The following LMO7 variants were observed in gnomAD, a reference collection of about 807,000 sequenced individuals.
LMO7 encodes the protein LIM domain only protein 7.
Under a neutral mutation model 206.5 loss-of-function variants are expected in LMO7, and 120 were observed. That is an observed-to-expected ratio of 0.58 (90% CI 0.50 to 0.68). The LOEUF is 0.68. LMO7 is among the 30% of genes least tolerant of loss of function. LMO7 has a pLI of 0.00. For missense variants in LMO7, 1,959 were observed against 1,957.9 expected, an observed-to-expected ratio of 1.00 and a Z score of -0.01; for synonymous variants, 706 against 681.5, an observed-to-expected ratio of 1.04 and a Z score of -0.56.
intron 3 of LMO7, among the ~76,000 whole-genome samples, chr13:75,751,132 C>T (rs2139430813): frequency 7.1e-6 from 1 of 140,258 alleles, no homozygotes; most frequent in Middle Eastern, 3.9e-3. Flanking sequence ...ATCATGTACT[C>T]AGCTCTTTTT....
intron 2 of LMO7, chr13:75,627,319 G>C (rs146603790): frequency 5.3e-5 from 8 of 152,218 alleles, no homozygotes; most frequent in East Asian, 1.9e-4. Context: ...CCAACTGTAG[G>C]CTAATGTATG....
intron 18 of LMO7, among the ~76,000 whole-genome samples, chr13:75,836,187 A>G (rs1195644349): frequency 6.6e-6 from 1 of 152,200 alleles, no homozygotes; most frequent in Non-Finnish European, 1.5e-5. Context: ...AAACTCATCC[A>G]TGCCTGCAGC....
intron 15 of LMO7, among the ~76,000 whole-genome samples, chr13:75,831,726 A>G (rs950694385): frequency 1.3e-5 from 2 of 152,164 alleles, no homozygotes; most frequent in Non-Finnish European, 2.9e-5. Flanking sequence ...CAGTCCTGCT[A>G]GAGTGAGAAC....
intron 4 of LMO7, among the ~76,000 whole-genome samples, chr13:75,795,172 AT>A (rs1566475624): frequency 6.6e-6 from 1 of 152,222 alleles, no homozygotes; most frequent in Non-Finnish European, 1.5e-5. Context: ...ACTGACAATT[AT>A]ATTAATGCAT....
chr13:75,811,754 G>T (rs1299106069), intron 11 of LMO7, among the ~76,000 whole-genome samples: 2 of 152,136 alleles, frequency 1.3e-5, no homozygotes, highest in Non-Finnish European at 2.9e-5. Flanking sequence ...TGTCTGTATG[G>T]TTTCATGAAA....
intron 1 of LMO7, among the ~76,000 whole-genome samples, chr13:75,671,143 A>G (rs532177617): frequency 2.6e-4 from 40 of 152,008 alleles, no homozygotes; most frequent in African/African-American, 9.6e-4. Flanking sequence ...GTCGTCTCCT[A>G]TGACACCAAT....
At chr13:75,716,460 G>T (rs2043542930) in intron 2 of LMO7, among the ~76,000 whole-genome samples, 1 of 151,988 alleles carries the variant, frequency 6.6e-6, no homozygotes, top group Non-Finnish European at 1.5e-5. Context: ...AGTGAGTTGG[G>T]ATTTCATCAA....
rs9573603 is a variant in LMO7, at chr13:75,649,451, C to T, written c.69+12725C>T. On this transcript the variant is annotated intron_variant, in intron 1 of 30. Transcript: ENST00000377534. ...GAGAGTAGGATTATGAATAGTGTTC[C>T]GGACTAGAAGTGATCAAGGGAAAAG... is the stretch of plus-strand genomic sequence containing the variant. Among the ~76,000 whole-genome samples, 866 of 152,162 alleles carry T rather than the reference C, an allele frequency of 5.7e-3. 9 individuals carry two copies. The highest frequency in any genetic ancestry group is 0.016 in the African/African-American group (655 of 41,514).
intron 4 of LMO7, among the ~76,000 whole-genome samples, chr13:75,781,781 C>T (rs1262636849): frequency 1.3e-5 from 2 of 152,122 alleles, no homozygotes; most frequent in Non-Finnish European, 2.9e-5. Context: ...ACATCCTCTC[C>T]AGCACCTGTA....
intron 15 of LMO7, among the ~76,000 whole-genome samples, chr13:75,830,852 A>G (rs2058593980): frequency 6.6e-6 from 1 of 152,150 alleles, no homozygotes; most frequent in Non-Finnish European, 1.5e-5. Context: ...GTAGTTTGAG[A>G]GTATTTATTA....
intron 1 of LMO7, among the ~76,000 whole-genome samples, chr13:75,691,663 C>T (rs2041486932): frequency 6.6e-6 from 1 of 152,178 alleles, no homozygotes; most frequent in Non-Finnish European, 1.5e-5. Flanking sequence ...TCTGATGTTT[C>T]CTCTGTACCC....
intron 4 of LMO7, among the ~76,000 whole-genome samples, chr13:75,767,036 A>G (rs1205997275): frequency 1.3e-5 from 2 of 152,140 alleles, no homozygotes; most frequent in African/African-American, 4.8e-5. Flanking sequence ...TGATAATGAC[A>G]TGGCATATTA....
At chr13:75,650,745 G>T (rs1566274875) in intron 1 of LMO7, among the ~76,000 whole-genome samples, 1 of 152,142 alleles carries the variant, frequency 6.6e-6, no homozygotes, top group Non-Finnish European at 1.5e-5. Flanking sequence ...TCTCTATACA[G>T]TAATGTTTAT....
intron 15 of LMO7, among the ~76,000 whole-genome samples, chr13:75,830,306 G>C (rs560484984): frequency 6.7e-6 from 1 of 148,916 alleles, no homozygotes; most frequent in East Asian, 1.9e-4. Context: ...CCCACAAGTG[G>C]GGCTCTGGAA....
At position 75,708,842 on chromosome 13, in the gene LMO7, A is replaced by G. The variant is rs568075106; in HGVS notation, c.70-4340A>G. 1.0e-3 allele frequency among the ~76,000 whole-genome samples: 152 copies of G among 152,020 alleles called. 1 individual carries two copies. Among genetic ancestry groups the G allele is most frequent in the African/African-American group, 3.6e-3 (150 of 41,346 alleles). The stretch of plus-strand genomic sequence containing the variant: ...TTTAAGTTTTAGGGTACATGTGCAC[A>G]ACGTGCAGGTTAGTTACATATGTAT... On this transcript the variant is annotated intron_variant, in intron 1 of 30. Coordinates refer to ENST00000377534, the MANE Select transcript of LMO7 (RefSeq NM_001306080.2).
chr13:75,838,457 A>G, intron 20 of LMO7: 1 of 525,626 alleles, frequency 1.9e-6, no homozygotes, highest in East Asian at 5.8e-5. Flanking sequence ...ACTTTGTAAA[A>G]AAAAAAAAAA....
exon 1 of LMO7, chr13:75,621,829 G>T (rs369455674): frequency 6.2e-7 from 1 of 1,608,598 alleles, no homozygotes; most frequent in African/African-American, 1.3e-5. Flanking sequence ...CATCTGTGTG[G>T]GTTGGCTGTA....
chr13:75,760,453 G>A, intron 3 of LMO7: 1 of 1,179,754 alleles, frequency 8.5e-7, no homozygotes, highest in Non-Finnish European at 1.0e-6. Flanking sequence ...CAGTCGTTCT[G>A]TAATTTGTAA....
At chr13:75,703,739 T>TGTGTGTGTGCGC (rs57290262) in intron 1 of LMO7, among the ~76,000 whole-genome samples, 41 of 151,668 alleles carry the variant, frequency 2.7e-4, no homozygotes, top group African/African-American at 9.2e-4. Flanking sequence ...TGTGTGTGTG[T>TGTGTGTGTGCGC]GCACTGTGAG....
Sources: gnomAD v4.1 joint callset for allele counts (sites outside exome capture counted in the v4.1 genomes callset) on GRCh38, gnomAD v4.1.1 for gene constraint, MANE v1.5 for transcripts, NCBI Gene and HGNC (gene_info 2026-07-23, HGNC 2026-07-21) for gene names.